The following ARHGAP26 variants were observed in gnomAD, a reference collection of about 807,000 sequenced individuals.
ARHGAP26 encodes rho GTPase-activating protein 26.
ARHGAP26 carries 38 observed loss-of-function variants against 104.8 expected under a neutral mutation model. The observed-to-expected ratio is 0.36, with a 90% CI of 0.28 to 0.48. The LOEUF (loss-of-function observed/expected upper bound fraction) is 0.48. ARHGAP26 is among the 20% of genes least tolerant of loss of function. ARHGAP26 has a pLI of 0.99. For synonymous variants in ARHGAP26, 341 were observed against 340.0 expected (o/e 1.00, Z -0.03); for missense variants, 704 against 947.9 (o/e 0.74, Z 3.38).
intron 17 of ARHGAP26, among the ~76,000 whole-genome samples, chr5:143,086,964 C>T (rs926414024): frequency 1.3e-5 from 2 of 152,240 alleles, no homozygotes; most frequent in Non-Finnish European, 2.9e-5. Flanking sequence ...CCATTTGGTG[C>T]AGCTCCCGCA....
At chr5:143,034,465 C>T (rs1291152401) in intron 12 of ARHGAP26, among the ~76,000 whole-genome samples, 1 of 152,086 alleles carries the variant, frequency 6.6e-6, no homozygotes, top group East Asian at 1.9e-4. Flanking sequence ...GGCTTGAAAA[C>T]ATTATGTTAA....
rs553784343 is a variant in ARHGAP26 at position 143,162,938 on chromosome 5, T to C, written c.1988+15557T>C. Reference sequence around the variant, plus strand: ...GAATTTAAGACCAGCCTGGACAACATGACATACCATCTCTATTAAAAAAAA... The same window carrying C: ...GAATTTAAGACCAGCCTGGACAACACGACATACCATCTCTATTAAAAAAAA... On this transcript the variant is annotated intron_variant, in intron 20 of 22. Coordinates refer to ENST00000645722, the MANE Select transcript of ARHGAP26 (RefSeq NM_001135608.3). 1.6e-4 allele frequency among the ~76,000 whole-genome samples: 25 copies of C among 151,888 alleles called. 1 individual carries two copies. The highest frequency in any genetic ancestry group is 6.8e-3 in the Middle Eastern group (2 of 292).
intron 12 of ARHGAP26, among the ~76,000 whole-genome samples, chr5:143,025,161 A>C (rs1169887923): frequency 6.6e-6 from 1 of 152,196 alleles, no homozygotes; most frequent in African/African-American, 2.4e-5. Flanking sequence ...GTCTCTTTAA[A>C]GTTCCTCCGG....
chr5:143,034,778 C>T (rs186710182), intron 12 of ARHGAP26, among the ~76,000 whole-genome samples: 100 of 152,010 alleles, frequency 6.6e-4, no homozygotes, highest in African/African-American at 2.4e-3. Flanking sequence ...AAAAAAATTC[C>T]TCCCCTGGAT....
chr5:143,019,333 G>A (rs780638700), intron 12 of ARHGAP26, among the ~76,000 whole-genome samples: 27 of 151,916 alleles, frequency 1.8e-4, no homozygotes, highest in Non-Finnish European at 2.1e-4. Context: ...ACTTGTCATT[G>A]ATTCGTCCCT....
At chr5:142,888,075 T>C (rs2152413092) in intron 5 of ARHGAP26, among the ~76,000 whole-genome samples, 1 of 152,322 alleles carries the variant, frequency 6.6e-6, no homozygotes, top group East Asian at 1.9e-4. Flanking sequence ...GAAACATTTG[T>C]TGAATGCATA....
At position 142,894,262 on chromosome 5, in the gene ARHGAP26, C is replaced by T. The variant is rs1201944584; in HGVS notation, c.511C>T (p.Arg171Trp). Residue 171 changes from arginine to tryptophan, a missense_variant, in exon 6 of 23, where the codon CGG becomes TGG. Transcript: ENST00000645722. The part of the protein sequence containing the change: ...QEADSQVDLV[R>W]QHFYEVSLEY... ...GGCAGACAGCCAAGTGGACCTGGTC[C>T]GGCAGCATTTCTATGAAGTATCCCT... is the stretch of plus-strand genomic sequence containing the variant. 7 of 1,613,838 alleles carry T rather than the reference C, an allele frequency of 4.3e-6. No individual in the cohort carries two copies. Among genetic ancestry groups the T allele is most frequent in the Admixed American group, 1.7e-5 (1 of 60,004 alleles).
At chr5:143,124,259 A>G (rs1441009683) in intron 18 of ARHGAP26, among the ~76,000 whole-genome samples, 1 of 152,228 alleles carries the variant, frequency 6.6e-6, no homozygotes, top group Non-Finnish European at 1.5e-5. Context: ...GGAACATAGC[A>G]CTGAAAAGAA....
At chr5:143,037,614 A>G (rs1782850139) in intron 13 of ARHGAP26, among the ~76,000 whole-genome samples, 1 of 152,254 alleles carries the variant, frequency 6.6e-6, no homozygotes, top group Non-Finnish European at 1.5e-5. Context: ...GATAACTGAC[A>G]TAATTTGGGA....
At chr5:143,111,870 A>G (rs1370655132) in intron 17 of ARHGAP26, among the ~76,000 whole-genome samples, 2 of 152,178 alleles carry the variant, frequency 1.3e-5, no homozygotes, top group African/African-American at 4.8e-5. Context: ...GTGGCCAACC[A>G]CGTCCCCCAA....
chr5:143,153,079 A>G (rs922661469), intron 20 of ARHGAP26, among the ~76,000 whole-genome samples: 16 of 152,186 alleles, frequency 1.1e-4, no homozygotes, highest in Non-Finnish European at 1.9e-4. Context: ...ATGAATAGAA[A>G]GGTATGGAAG....
chr5:143,019,208 A>AG (rs1297605569), intron 12 of ARHGAP26, among the ~76,000 whole-genome samples: 1 of 152,186 alleles, frequency 6.6e-6, no homozygotes, highest in African/African-American at 2.4e-5. Context: ...AGAGAAGGGA[A>AG]GGGGAAAAAG....
intron 20 of ARHGAP26, among the ~76,000 whole-genome samples, chr5:143,151,421 G>A (rs180729501): frequency 6.6e-6 from 1 of 152,134 alleles, no homozygotes; most frequent in African/African-American, 2.4e-5. Context: ...ATGTTCTTTG[G>A]TATTTACCCA....
At position 142,787,422 on chromosome 5, in the gene ARHGAP26, A is replaced by C. The variant is rs79603583; in HGVS notation, c.154+16507A>C. Reference sequence around the variant, plus strand: ...TAGGGACCTAGAAACCTATTTGGGGAGGTCAGGAAACTGGGTATGAGATCT... The same window carrying C: ...TAGGGACCTAGAAACCTATTTGGGGCGGTCAGGAAACTGGGTATGAGATCT... On this transcript the variant is annotated intron_variant, in intron 1 of 22. Coordinates refer to ENST00000645722, the MANE Select transcript of ARHGAP26 (RefSeq NM_001135608.3). 5.8e-3 allele frequency among the ~76,000 whole-genome samples: 887 copies of C among 152,326 alleles called. 23 individuals carry two copies. Among genetic ancestry groups the C allele is most frequent in the East Asian group, 0.053 (274 of 5,180 alleles).
chr5:143,078,255 G>A (rs1789318142), intron 17 of ARHGAP26, among the ~76,000 whole-genome samples: 1 of 152,196 alleles, frequency 6.6e-6, no homozygotes, highest in Non-Finnish European at 1.5e-5. Context: ...CTAGGGCGAG[G>A]CAGAAGAGAC....
chr5:143,063,592 A>G (rs1787061056), intron 17 of ARHGAP26, among the ~76,000 whole-genome samples: 2 of 152,202 alleles, frequency 1.3e-5, no homozygotes, highest in Admixed American at 1.3e-4. Flanking sequence ...CATGGCACAC[A>G]ATAGACGCTC....
chr5:142,811,548 G>A (rs1438813891), intron 1 of ARHGAP26, among the ~76,000 whole-genome samples: 2 of 152,276 alleles, frequency 1.3e-5, no homozygotes, highest in Admixed American at 1.3e-4. Context: ...CCTGCTGTGG[G>A]CCAGCCACTG....
intron 20 of ARHGAP26, among the ~76,000 whole-genome samples, chr5:143,205,042 C>T (rs1192705868): frequency 6.6e-6 from 1 of 152,036 alleles, no homozygotes; most frequent in African/African-American, 2.4e-5. Context: ...AGTGAGGCCT[C>T]TCTGACTAGC....
chr5:142,899,492 A>G (rs1598148828), intron 6 of ARHGAP26, among the ~76,000 whole-genome samples: 1 of 152,212 alleles, frequency 6.6e-6, no homozygotes, highest in African/African-American at 2.4e-5. Flanking sequence ...GATCTTTCCT[A>G]TGTCAGGCTG....
Sources: allele counts gnomAD v4.1 joint callset (sites outside exome capture counted in the v4.1 genomes callset), GRCh38; gene constraint gnomAD v4.1.1; transcripts MANE v1.5; gene names NCBI Gene and HGNC (gene_info 2026-07-23, HGNC 2026-07-21).